Variants in SPAG16 observed in about 807,000 individuals in gnomAD.
SPAG16 encodes sperm associated antigen 16, also known as sperm-associated antigen 16 protein.
Under a neutral mutation model 80.4 loss-of-function variants are expected in SPAG16, and 86 were observed. The observed-to-expected ratio is 1.07, with a 90% confidence interval of 0.90 to 1.28. SPAG16 has a LOEUF of 1.28. Among genes scored for constraint, SPAG16 ranks in the 50% most tolerant of loss-of-function variants. The probability of loss-of-function intolerance (pLI) is 0.00; values close to 1 mark genes in which losing one functional copy is unlikely to be tolerated. For missense variants in SPAG16, 870 were observed against 765.3 expected (o/e 1.14, Z -1.61); for synonymous variants, 294 against 265.9 (o/e 1.11, Z -1.03).
intron 15 of SPAG16, among the ~76,000 whole-genome samples, chr2:214,393,192 G>C (rs1179707990): frequency 1.3e-5 from 2 of 152,144 alleles, no homozygotes. Flanking sequence ...CTTGAAATTA[G>C]ATTAAACATA....
chr2:213,746,905 C>T (rs921187989), intron 10 of SPAG16, among the ~76,000 whole-genome samples: 1 of 152,134 alleles, frequency 6.6e-6, no homozygotes, highest in African/African-American at 2.4e-5. Context: ...TATGTATTTA[C>T]TGTACTTTTT....
chr2:214,249,756 T>C (rs540364048), intron 15 of SPAG16, among the ~76,000 whole-genome samples: 2 of 152,246 alleles, frequency 1.3e-5, no homozygotes, highest in Admixed American at 6.5e-5. Flanking sequence ...GTTCAAAGAT[T>C]TAAATTTTTA....
intron 10 of SPAG16, among the ~76,000 whole-genome samples, chr2:213,769,119 A>G (rs1418838100): frequency 6.6e-6 from 1 of 152,220 alleles, no homozygotes; most frequent in African/African-American, 2.4e-5. Flanking sequence ...CCTAGGCAAG[A>G]GCACTTTCAC....
chr2:213,512,528 C>G (rs781230418), intron 10 of SPAG16, among the ~76,000 whole-genome samples: 4 of 152,050 alleles, frequency 2.6e-5, no homozygotes, highest in Admixed American at 1.3e-4. Context: ...ATAGCATAAA[C>G]TTTGTGTGAA....
intron 15 of SPAG16, among the ~76,000 whole-genome samples, chr2:214,233,358 T>A (rs549321423): frequency 6.6e-6 from 1 of 151,476 alleles, no homozygotes; most frequent in African/African-American, 2.4e-5. Flanking sequence ...ATGATGATGA[T>A]GATGATGATG....
At chr2:213,537,563 G>A (rs1175349566) in intron 10 of SPAG16, among the ~76,000 whole-genome samples, 2 of 151,964 alleles carry the variant, frequency 1.3e-5, no homozygotes, top group Admixed American at 1.3e-4. Context: ...GAGTAATAGG[G>A]AGCAGTGAGT....
At position 213,711,103 on chromosome 2, in the gene SPAG16, G is replaced by A. The variant is rs562067200; in HGVS notation, c.1071-151382G>A. ...CTATTTAAGTAAATCTTTAGCTGCC[G>A]GTGTTTGCTTGCTGTACAGAATCAT... On this transcript the variant is annotated intron_variant, in intron 10 of 15. Coordinates refer to ENST00000331683, the MANE Select transcript of SPAG16 (RefSeq NM_024532.5). Among the ~76,000 whole-genome samples the A allele has an allele frequency of 1.9e-4, 29 of 152,050 alleles. No homozygotes were observed. In the Middle Eastern group the frequency reaches 0.01, roughly 54 times the overall value.
intron 9 of SPAG16, among the ~76,000 whole-genome samples, chr2:213,395,739 C>T (rs958159039): frequency 2.6e-5 from 4 of 152,168 alleles, no homozygotes; most frequent in Admixed American, 6.5e-5. Flanking sequence ...TCTCTTGCAT[C>T]ATTTCCAGGG....
chr2:213,576,905 G>A (rs1038654745), intron 10 of SPAG16, among the ~76,000 whole-genome samples: 2 of 152,046 alleles, frequency 1.3e-5, no homozygotes, highest in African/African-American at 2.4e-5. Context: ...GGCTTAATAC[G>A]TGGGTGGCAA....
At chr2:213,615,652 A>C (rs934870887) in intron 10 of SPAG16, among the ~76,000 whole-genome samples, 14 of 152,198 alleles carry the variant, frequency 9.2e-5, no homozygotes, top group Non-Finnish European at 2.9e-5. Context: ...AAGTGTAGAC[A>C]TGACAATGTA....
chr2:214,382,267 A>G (rs1490056103), intron 15 of SPAG16, among the ~76,000 whole-genome samples: 1 of 152,254 alleles, frequency 6.6e-6, no homozygotes, highest in African/African-American at 2.4e-5. Flanking sequence ...ACTAAATTCC[A>G]TCACAAATGT....
intron 3 of SPAG16, chr2:213,302,498 A>C (rs949421733): frequency 2.6e-5 from 4 of 152,064 alleles, no homozygotes; most frequent in Non-Finnish European, 4.4e-5. Context: ...TGTCTTCTTC[A>C]TGTTTAATTC....
intron 15 of SPAG16, among the ~76,000 whole-genome samples, chr2:214,328,401 G>A (rs534439526): frequency 6.6e-6 from 1 of 152,328 alleles, no homozygotes; most frequent in East Asian, 1.9e-4. Flanking sequence ...GACCTCAAGT[G>A]ATCCACCCGC....
intron 9 of SPAG16, among the ~76,000 whole-genome samples, chr2:213,445,393 G>A (rs184680630): frequency 1.2e-3 from 190 of 152,282 alleles, no homozygotes; most frequent in African/African-American, 3.8e-3. Flanking sequence ...TGGGCGTGGC[G>A]GCTCATGCCT....
At chr2:213,314,908 A>G (rs1575166171) in intron 4 of SPAG16, among the ~76,000 whole-genome samples, 1 of 151,990 alleles carries the variant, frequency 6.6e-6, no homozygotes. Context: ...TGTGGCAAAT[A>G]TAATGGAATA....
At chr2:214,314,811 T>C (rs1307814159) in intron 15 of SPAG16, among the ~76,000 whole-genome samples, 2 of 152,108 alleles carry the variant, frequency 1.3e-5, no homozygotes, top group African/African-American at 4.8e-5. Context: ...GGGCGAAAGG[T>C]ACTATAATGA....
intron 10 of SPAG16, among the ~76,000 whole-genome samples, chr2:213,572,824 C>G (rs2059966220): frequency 6.6e-6 from 1 of 152,134 alleles, no homozygotes; most frequent in Non-Finnish European, 1.5e-5. Flanking sequence ...ATGGCGGGCG[C>G]CCCTCCCCCA....
chr2:213,891,453 C>CCCTA (rs1448695263), intron 11 of SPAG16, among the ~76,000 whole-genome samples: 12 of 152,126 alleles, frequency 7.9e-5, no homozygotes, highest in Admixed American at 6.6e-5. Flanking sequence ...GGTGATCTGA[C>CCCTA]CCTACACTGA....
intron 9 of SPAG16, chr2:213,422,526 C>T (rs976126460): frequency 2.7e-5 from 13 of 474,960 alleles, no homozygotes; most frequent in African/African-American, 1.2e-4. Context: ...CCTACCAGGC[C>T]GAGTGGGCAG....
Sources: allele counts gnomAD v4.1 joint callset (sites outside exome capture counted in the v4.1 genomes callset), GRCh38; gene constraint gnomAD v4.1.1; transcripts MANE v1.5; gene names NCBI Gene and HGNC (gene_info 2026-07-23, HGNC 2026-07-21).